ARB2A: variants seen among roughly 807,000 people sequenced by gnomAD.
ARB2A encodes the protein cotranscriptional regulator ARB2A.
chr5:93,744,485 G>A, the ARB2A span, among the ~76,000 whole-genome samples: 1 of 134,762 alleles, frequency 7.4e-6, no homozygotes, highest in African/African-American at 2.9e-5. Context: ...ATATTAACTT[G>A]ATGGGTTTTT....
the ARB2A span, among the ~76,000 whole-genome samples, chr5:93,673,379 CTCT>C: frequency 4.1e-3 from 627 of 151,870 alleles, 3 homozygotes; most frequent in African/African-American, 0.014. Flanking sequence ...TTTCTCTCTT[CTCT>C]TTTTTTTTTC....
the ARB2A span, among the ~76,000 whole-genome samples, chr5:94,062,368 C>T: frequency 6.6e-6 from 1 of 152,154 alleles, no homozygotes; most frequent in Admixed American, 6.5e-5. Context: ...ACATCTCAAA[C>T]AGGTCGTCGA....
the ARB2A span, among the ~76,000 whole-genome samples, chr5:93,912,118 A>G: frequency 6.6e-6 from 1 of 151,760 alleles, no homozygotes; most frequent in African/African-American, 2.4e-5. Context: ...TTGTGTATAT[A>G]TCGTTATTGT....
chr5:93,790,668 G>T, the ARB2A span, among the ~76,000 whole-genome samples: 2 of 152,108 alleles, frequency 1.3e-5, no homozygotes, highest in Non-Finnish European at 2.9e-5. Context: ...TGGCAACAAA[G>T]CACGAAGCCA....
At chr5:93,869,256 T>C in the ARB2A span, among the ~76,000 whole-genome samples, 4 of 152,270 alleles carry the variant, frequency 2.6e-5, no homozygotes, top group Non-Finnish European at 4.4e-5. Flanking sequence ...TGCCCTTTCT[T>C]CCCAAGAAGT....
the ARB2A span, among the ~76,000 whole-genome samples, chr5:93,979,900 A>G: frequency 3.3e-5 from 5 of 152,168 alleles, no homozygotes; most frequent in Non-Finnish European, 7.4e-5. Flanking sequence ...GCATACTTAC[A>G]TCTAAAATTA....
At chr5:94,012,203 C>G in the ARB2A span, among the ~76,000 whole-genome samples, 1 of 152,070 alleles carries the variant, frequency 6.6e-6, no homozygotes, top group Non-Finnish European at 1.5e-5. Context: ...GAGATCAAGA[C>G]CATCCTGGCT....
the ARB2A span, chr5:94,111,484 T>A: frequency 6.6e-6 from 1 of 152,476 alleles, no homozygotes; most frequent in Non-Finnish European, 1.5e-5. Context: ...CCCCCGGAGC[T>A]CACATCCCCG....
the ARB2A span, among the ~76,000 whole-genome samples, chr5:94,021,829 T>C: frequency 6.6e-6 from 1 of 152,160 alleles, no homozygotes; most frequent in African/African-American, 2.4e-5. Flanking sequence ...CTCAGTACCT[T>C]CGGAGGCTGA....
At chr5:93,674,687 G>C in the ARB2A span, among the ~76,000 whole-genome samples, 2 of 152,180 alleles carry the variant, frequency 1.3e-5, no homozygotes, top group Non-Finnish European at 2.9e-5. Context: ...GCCTGCCAAA[G>C]AGGAGCTTTT....
At chr5:93,954,850 C>A in the ARB2A span, among the ~76,000 whole-genome samples, 138 of 152,230 alleles carry the variant, frequency 9.1e-4, 1 homozygote, top group African/African-American at 3.1e-3. Context: ...TGGGTGATTC[C>A]TCTCTGGGTA....
At chr5:93,935,661 T>C in the ARB2A span, among the ~76,000 whole-genome samples, 2 of 152,206 alleles carry the variant, frequency 1.3e-5, no homozygotes, top group African/African-American at 4.8e-5. Flanking sequence ...TGTTCTACTG[T>C]TAATTATGTC....
chr5:93,703,298 G>C, the ARB2A span, among the ~76,000 whole-genome samples: 1 of 152,172 alleles, frequency 6.6e-6, no homozygotes, highest in South Asian at 2.1e-4. Context: ...AGTGTGGTTT[G>C]CAACTATCAG....
chr5:93,621,188 G>A, the ARB2A span: 1 of 1,509,232 alleles, frequency 6.6e-7, no homozygotes, highest in South Asian at 1.3e-5. Flanking sequence ...CGCGGTGAGG[G>A]CGGCGAGGGC....
At chr5:93,838,508 T>A in the ARB2A span, among the ~76,000 whole-genome samples, 4 of 151,802 alleles carry the variant, frequency 2.6e-5, no homozygotes, top group African/African-American at 9.7e-5. Flanking sequence ...GTGAATTTTT[T>A]AAAATAGTTC....
chr5:93,684,647 G>T, the ARB2A span, among the ~76,000 whole-genome samples: 1 of 152,132 alleles, frequency 6.6e-6, no homozygotes, highest in African/African-American at 2.4e-5. Flanking sequence ...AAGTTAGTGT[G>T]ATTGAGTTTT....
chr5:94,063,458 A>C, the ARB2A span, among the ~76,000 whole-genome samples: 2 of 152,198 alleles, frequency 1.3e-5, no homozygotes, highest in Non-Finnish European at 2.9e-5. Flanking sequence ...ACCATAGCCC[A>C]TACCATACCC....
chr5:93,865,034 T>C, the ARB2A span, among the ~76,000 whole-genome samples: 2 of 152,202 alleles, frequency 1.3e-5, no homozygotes, highest in Non-Finnish European at 2.9e-5. Context: ...CTAAACAGGA[T>C]ACACATCTTC....
At chr5:93,629,074 ACT>A in the ARB2A span, among the ~76,000 whole-genome samples, 3 of 152,028 alleles carry the variant, frequency 2.0e-5, no homozygotes, top group Admixed American at 6.6e-5. Flanking sequence ...GAGATGTGAG[ACT>A]CTTCCTTTCA....
Sources: gnomAD v4.1 joint callset for allele counts (sites outside exome capture counted in the v4.1 genomes callset) on GRCh38, gnomAD v4.1.1 for gene constraint, MANE v1.5 for transcripts, NCBI Gene and HGNC (gene_info 2026-07-23, HGNC 2026-07-21) for gene names.